ARHGAP24: variants seen among roughly 807,000 people sequenced by gnomAD.
The protein encoded by ARHGAP24 is Rho GTPase activating protein 24, also known as rho GTPase-activating protein 24.
ARHGAP24 carries 50 observed loss-of-function variants against 76.4 expected under a neutral mutation model. That is an observed-to-expected ratio of 0.65 (90% CI 0.52 to 0.83). The LOEUF (loss-of-function observed/expected upper bound fraction) is 0.83. ARHGAP24 is among the 40% of genes least tolerant of loss of function. The pLI is 0.00. For synonymous variants in ARHGAP24, 345 were observed against 323.3 expected (o/e 1.07, Z -0.72); for missense variants, 930 against 914.2 (o/e 1.02, Z -0.22).
chr4:85,921,562 T>C (rs905599892), intron 3 of ARHGAP24, among the ~76,000 whole-genome samples: 6 of 152,052 alleles, frequency 3.9e-5, no homozygotes, highest in African/African-American at 1.4e-4. Context: ...AAAAGATCAC[T>C]GAGTTTCCAG....
intron 3 of ARHGAP24, among the ~76,000 whole-genome samples, chr4:85,850,242 G>T (rs1178914432): frequency 3.3e-5 from 5 of 152,136 alleles, no homozygotes; most frequent in Non-Finnish European, 7.4e-5. Context: ...GCGTAGAGGT[G>T]TTTATAGTAT....
intron 2 of ARHGAP24, among the ~76,000 whole-genome samples, chr4:85,686,394 T>C (rs1723422871): frequency 1.3e-5 from 2 of 152,224 alleles, no homozygotes; most frequent in African/African-American, 2.4e-5. Flanking sequence ...GAAGTGAGTA[T>C]CCTGTATTAC....
intron 2 of ARHGAP24, among the ~76,000 whole-genome samples, chr4:85,583,184 C>G (rs1045961070): frequency 3.9e-5 from 6 of 152,110 alleles, no homozygotes. Context: ...AACTATTCCT[C>G]AGTTTCAAAT....
chr4:85,651,084 C>T (rs1040537115), intron 2 of ARHGAP24, among the ~76,000 whole-genome samples: 3 of 148,964 alleles, frequency 2.0e-5, no homozygotes, highest in Non-Finnish European at 4.4e-5. Flanking sequence ...GAAGCAGCAG[C>T]GTATGCAAAG....
chr4:85,976,804 C>T (rs1268331045), intron 7 of ARHGAP24, among the ~76,000 whole-genome samples: 1 of 144,254 alleles, frequency 6.9e-6, no homozygotes, highest in Non-Finnish European at 1.5e-5. Flanking sequence ...TTTTCCGAGA[C>T]CGAGTTTCAC....
chr4:85,731,670 T>C lies in ARHGAP24; in HGVS notation c.268+9698T>C, dbSNP rs145690565. 3.0e-3 allele frequency among the ~76,000 whole-genome samples: 458 copies of C among 152,326 alleles called. 3 individuals are homozygous for C. Among genetic ancestry groups the C allele is most frequent in the African/African-American group, 0.011 (441 of 41,576 alleles). On this transcript the variant is annotated intron_variant, in intron 3 of 9. Transcript: ENST00000395184. ...ATAGCTAGATAGGAGGAAAAAGTTC[T>C]AGTGTTCTATACTACTGTAGGGTGA...
chr4:85,562,432 G>C (rs897081712), intron 1 of ARHGAP24, among the ~76,000 whole-genome samples: 4 of 152,048 alleles, frequency 2.6e-5, no homozygotes, highest in African/African-American at 9.7e-5. Context: ...GTGTGTGTGT[G>C]TGTACGTGTG....
chr4:85,716,825 T>C (rs1216091743), intron 2 of ARHGAP24, among the ~76,000 whole-genome samples: 4 of 152,072 alleles, frequency 2.6e-5, no homozygotes, highest in Non-Finnish European at 5.9e-5. Context: ...CTACTGGAAT[T>C]TGGGGAAGCC....
At chr4:85,979,060 C>A (rs777620905) in intron 8 of ARHGAP24, among the ~76,000 whole-genome samples, 5 of 152,134 alleles carry the variant, frequency 3.3e-5, no homozygotes, top group Admixed American at 6.5e-5. Flanking sequence ...TGTTGATCCA[C>A]GGATTTGTTG....
At chr4:85,880,175 A>C (rs1352423923) in intron 3 of ARHGAP24, among the ~76,000 whole-genome samples, 1 of 152,244 alleles carries the variant, frequency 6.6e-6, no homozygotes, top group Non-Finnish European at 1.5e-5. Flanking sequence ...AATTATAACA[A>C]TATACTGTAA....
chr4:85,899,634 A>G (rs2148789343), intron 3 of ARHGAP24, among the ~76,000 whole-genome samples: 1 of 152,360 alleles, frequency 6.6e-6, no homozygotes, highest in African/African-American at 2.4e-5. Flanking sequence ...GTCAACTCCC[A>G]AGTAATATTA....
intron 1 of ARHGAP24, among the ~76,000 whole-genome samples, chr4:85,503,748 C>CCGT (rs1460593103): frequency 6.6e-6 from 1 of 152,134 alleles, no homozygotes. Context: ...TTATTTCTTA[C>CCGT]CGTCTGCTAA....
chr4:85,934,637 C>T (rs1368885096), intron 4 of ARHGAP24, among the ~76,000 whole-genome samples: 1 of 152,148 alleles, frequency 6.6e-6, no homozygotes, highest in Non-Finnish European at 1.5e-5. Flanking sequence ...AGCTCAGCCT[C>T]CTGAGTAGCT....
At chr4:85,499,772 C>T (rs540735445) in intron 1 of ARHGAP24, among the ~76,000 whole-genome samples, 3 of 152,216 alleles carry the variant, frequency 2.0e-5, no homozygotes, top group South Asian at 2.1e-4. Context: ...TGTGCTGTTC[C>T]GTGTGGTAGG....
chr4:85,541,659 C>T (rs1725709320), intron 1 of ARHGAP24, among the ~76,000 whole-genome samples: 2 of 151,956 alleles, frequency 1.3e-5, no homozygotes, highest in African/African-American at 2.4e-5. Flanking sequence ...TTTATTCATT[C>T]AATTCTTGAT....
chr4:85,717,478 C>T (rs1037944754), intron 2 of ARHGAP24, among the ~76,000 whole-genome samples: 2 of 152,072 alleles, frequency 1.3e-5, no homozygotes, highest in East Asian at 1.9e-4. Context: ...CTACAGATAC[C>T]AAGTGTAACA....
intron 4 of ARHGAP24, among the ~76,000 whole-genome samples, chr4:85,940,841 T>C (rs144698401): frequency 0.013 from 1,930 of 152,318 alleles, 34 homozygotes; most frequent in African/African-American, 0.043. Flanking sequence ...TGTTTCCTGT[T>C]ATTGTTTCTA....
At position 85,995,025 on chromosome 4, in the gene ARHGAP24, A is replaced by T. The variant is rs1740568284; in HGVS notation, c.1371A>T (p.Leu457=). The T allele has an allele frequency of 6.2e-7, 1 of 1,614,104 alleles. No individual in the cohort carries two copies. Among genetic ancestry groups the T allele is most frequent in the East Asian group, 2.2e-5 (1 of 44,870 alleles). ...CCCAAACCACCCCCAATGGGAGCCT[A>T]CAGGCCAGAAGGAGCTCTTCACTGA... ...EKTQTTPNGS[L]QARRSSSLKV... The change falls in exon 9 of 10, where the codon CTA becomes CTT. Residue 457 remains leucine (L), a synonymous_variant. Coordinates refer to ENST00000395184, the MANE Select transcript of ARHGAP24 (RefSeq NM_001025616.3).
intron 3 of ARHGAP24, among the ~76,000 whole-genome samples, chr4:85,875,988 C>G (rs545532676): frequency 2.6e-5 from 4 of 151,898 alleles, no homozygotes; most frequent in Non-Finnish European, 5.9e-5. Context: ...GGTGATCCAC[C>G]GGCCTCAGCC....
Sources: gnomAD v4.1 joint callset for allele counts (sites outside exome capture counted in the v4.1 genomes callset) on GRCh38, gnomAD v4.1.1 for gene constraint, MANE v1.5 for transcripts, NCBI Gene and HGNC (gene_info 2026-07-23, HGNC 2026-07-21) for gene names.